Variants in HECW2 observed in about 807,000 individuals in gnomAD.
HECW2 encodes the protein E3 ubiquitin-protein ligase HECW2.
In HECW2, 61 loss-of-function variants were observed where a neutral mutation model predicts 175.2. The ratio of observed to expected loss-of-function variants is 0.35; its 90% confidence interval spans 0.28 to 0.43. The LOEUF (loss-of-function observed/expected upper bound fraction) is 0.43, where lower values mean the gene tolerates loss of function less well. Among genes scored for constraint, HECW2 ranks in the 20% least tolerant of loss-of-function variants. The probability of loss-of-function intolerance (pLI) is 1.00; values close to 1 mark genes in which losing one functional copy is unlikely to be tolerated. For missense variants in HECW2, 1,524 were observed against 2,000.5 expected (o/e 0.76, Z 4.54); for synonymous variants, 671 against 731.0 (o/e 0.92, Z 1.32).
intron 1 of HECW2, among the ~76,000 whole-genome samples, chr2:196,554,420 G>A (rs1452534753): frequency 1.3e-5 from 2 of 152,166 alleles, no homozygotes; most frequent in South Asian, 4.1e-4. Context: ...TCACAGTCCT[G>A]GAATCTTGAC....
At chr2:196,242,757 A>G (rs889244184) in intron 19 of HECW2, 5 of 144,368 alleles carry the variant, frequency 3.5e-5, no homozygotes, top group African/African-American at 1.1e-4. Flanking sequence ...CAGTGGTGCA[A>G]TCTTGGCTCA....
At chr2:196,450,128 C>T (rs1696301405) in intron 1 of HECW2, among the ~76,000 whole-genome samples, 1 of 152,166 alleles carries the variant, frequency 6.6e-6, no homozygotes, top group East Asian at 1.9e-4. Context: ...CCCTATGCAT[C>T]CAAAACTTTG....
intron 2 of HECW2, among the ~76,000 whole-genome samples, chr2:196,420,559 C>G (rs938727536): frequency 6.6e-6 from 1 of 152,144 alleles, no homozygotes; most frequent in African/African-American, 2.4e-5. Context: ...TTCATCATAA[C>G]CTACATTAAT....
At chr2:196,375,930 C>T (rs566062658) in intron 2 of HECW2, among the ~76,000 whole-genome samples, 54 of 152,320 alleles carry the variant, frequency 3.5e-4, no homozygotes, top group Admixed American at 8.5e-4. Context: ...AAAGTACTTT[C>T]GCATGTACCT....
At chr2:196,440,410 T>C (rs1268182168) in intron 1 of HECW2, among the ~76,000 whole-genome samples, 2 of 152,210 alleles carry the variant, frequency 1.3e-5, no homozygotes, top group East Asian at 3.8e-4. Flanking sequence ...ATAGGAAATG[T>C]AATATAGTTT....
intron 1 of HECW2, among the ~76,000 whole-genome samples, chr2:196,571,617 G>A (rs1462785153): frequency 4.6e-5 from 7 of 151,974 alleles, no homozygotes; most frequent in Non-Finnish European, 7.4e-5. Flanking sequence ...GCTGAGGCAC[G>A]AAAGGCATGG....
chr2:196,288,582 T>C (rs1001899371), intron 14 of HECW2: 2 of 152,164 alleles, frequency 1.3e-5, no homozygotes, highest in African/African-American at 4.8e-5. Flanking sequence ...CTACAGTATA[T>C]CCCTTATAAG....
chr2:196,329,671 T>C, intron 4 of HECW2, 21 bp from the exon 5 acceptor site: 1 of 1,607,556 alleles, frequency 6.2e-7, no homozygotes, highest in Non-Finnish European at 8.5e-7. Context: ...AAAACATGCA[T>C]CTGAAGTTTC....
At chr2:196,427,650 G>A (rs1179484300) in intron 2 of HECW2, among the ~76,000 whole-genome samples, 2 of 152,096 alleles carry the variant, frequency 1.3e-5, no homozygotes, top group Non-Finnish European at 2.9e-5. Context: ...TTAAATTTGT[G>A]AGGAATCAAT....
intron 20 of HECW2, among the ~76,000 whole-genome samples, chr2:196,241,234 T>G (rs1236304935): frequency 6.6e-6 from 1 of 152,238 alleles, no homozygotes; most frequent in Non-Finnish European, 1.5e-5. Flanking sequence ...GGAGGCTGAA[T>G]GCATGACAGC....
At position 196,196,127 on chromosome 2, in the gene HECW2, C is replaced by A. The variant is rs765212431; in HGVS notation, c.*5150G>T. The A allele has an allele frequency of 6.6e-6, 1 of 152,278 alleles. No homozygotes were observed. The highest frequency in any genetic ancestry group is 1.5e-5 in the Non-Finnish European group (1 of 68,116). 9.4% of individuals were successfully genotyped at this position (152,278 alleles called of 1,614,324 possible). A position where few individuals can be genotyped will look rare whatever the true frequency, so the allele number is the denominator to read the frequency against. On this transcript the variant is annotated 3_prime_UTR_variant, in exon 29 of 29. Transcript: ENST00000644978. ...GGCTATGATATGGACAGCACACACA[C>A]GGTCATCCTTCCTGACAGCTCCTCG...
In HECW2 at chr2:196,324,964, C is replaced by T. The variant is rs1257498192; in HGVS notation, c.741+16G>A. On this transcript the variant is annotated intron_variant, in intron 6 of 28. Transcript: ENST00000644978. ...TTCCTCACCATCAAGTAGGAGACCCCCGAGGATCATCTTACCTCTCGGTGC... is the reference window on the plus strand; with the variant it reads ...TTCCTCACCATCAAGTAGGAGACCCTCGAGGATCATCTTACCTCTCGGTGC... 1 of 1,546,232 alleles carries T rather than the reference C, an allele frequency of 6.5e-7. No individual in the cohort carries two copies. The highest frequency in any genetic ancestry group is 1.3e-5 in the South Asian group (1 of 79,672).
intron 25 of HECW2, 49 bp downstream of exon 25, chr2:196,220,746 C>T: frequency 6.4e-7 from 1 of 1,571,790 alleles, no homozygotes; most frequent in African/African-American, 1.3e-5. Context: ...TGGACTGTGG[C>T]ATCATTGATA....
chr2:196,258,933 C>T (rs1177421431), intron 17 of HECW2, among the ~76,000 whole-genome samples: 1 of 152,118 alleles, frequency 6.6e-6, no homozygotes, highest in East Asian at 1.9e-4. Context: ...CTACAAGCAA[C>T]TTGTTTTTCT....
At chr2:196,338,706 G>A (rs1261906700) in intron 3 of HECW2, among the ~76,000 whole-genome samples, 1 of 152,170 alleles carries the variant, frequency 6.6e-6, no homozygotes, top group Non-Finnish European at 1.5e-5. Context: ...AATATTTGAA[G>A]CATAAAGATG....
chr2:196,226,332 C>T (rs1447005887), intron 22 of HECW2, among the ~76,000 whole-genome samples: 2 of 152,160 alleles, frequency 1.3e-5, no homozygotes, highest in Non-Finnish European at 2.9e-5. Flanking sequence ...GAGACCATCC[C>T]CAAAGCCCAG....
intron 23 of HECW2, among the ~76,000 whole-genome samples, chr2:196,224,254 C>T (rs1372377310): frequency 6.6e-6 from 1 of 152,102 alleles, no homozygotes; most frequent in Non-Finnish European, 1.5e-5. Context: ...CGTAGGGAAA[C>T]TTGATGAGCT....
At chr2:196,418,279 C>T (rs894797796) in intron 2 of HECW2, among the ~76,000 whole-genome samples, 1 of 152,104 alleles carries the variant, frequency 6.6e-6, no homozygotes, top group Non-Finnish European at 1.5e-5. Flanking sequence ...CAGGCGCCTG[C>T]CACCACACCC....
chr2:196,497,882 A>G (rs1687451846), intron 1 of HECW2, among the ~76,000 whole-genome samples: 1 of 152,212 alleles, frequency 6.6e-6, no homozygotes, highest in Admixed American at 6.5e-5. Flanking sequence ...TTCCCCACTC[A>G]GTCCATTCAC....
Sources: gnomAD v4.1 joint callset for allele counts (sites outside exome capture counted in the v4.1 genomes callset) on GRCh38, gnomAD v4.1.1 for gene constraint, MANE v1.5 for transcripts, NCBI Gene and HGNC (gene_info 2026-07-23, HGNC 2026-07-21) for gene names.